NLRC4: variants seen among roughly 807,000 people sequenced by gnomAD.
NLRC4 encodes NLR family CARD domain-containing protein 4.
In NLRC4, 63 loss-of-function variants were observed where a neutral mutation model predicts 79.9. The ratio of observed to expected loss-of-function variants is 0.79; its 90% CI spans 0.64 to 0.97. The LOEUF is 0.97. NLRC4 is among the 50% of genes least tolerant of loss of function. NLRC4 has a pLI of 0.00. For missense variants in NLRC4, 1,074 were observed against 1,215.2 expected, an observed-to-expected ratio of 0.88 and a Z score of 1.73; for synonymous variants, 461 against 456.5, an observed-to-expected ratio of 1.01 and a Z score of -0.12.
At chr2:32,240,927 TA>T in intron 5 of NLRC4, 105 bp downstream of exon 5, 2 of 691,920 alleles carry the variant, frequency 2.9e-6, no homozygotes, top group African/African-American at 1.8e-5. Flanking sequence ...CACAAGTACA[TA>T]AAAACATCCT....
intron 1 of NLRC4, among the ~76,000 whole-genome samples, chr2:32,257,478 A>G (rs1202449034): frequency 6.6e-6 from 1 of 152,064 alleles, no homozygotes; most frequent in African/African-American, 2.4e-5. Flanking sequence ...GTGGTGGCAC[A>G]CGCCTGTAGT....
chr2:32,251,678 G>C (rs922391906), intron 3 of NLRC4, 77 bp from the exon 4 acceptor site: 18 of 967,558 alleles, frequency 1.9e-5, no homozygotes, highest in South Asian at 9.6e-5. Flanking sequence ...AGGATGAACG[G>C]GGGGGTGAGG....
intron 8 of NLRC4, among the ~76,000 whole-genome samples, chr2:32,226,759 A>C (rs1003703813): frequency 2.0e-5 from 3 of 152,160 alleles, no homozygotes; most frequent in Non-Finnish European, 2.9e-5. Flanking sequence ...GCATGCCTGT[A>C]ATCCCAGCTA....
At chr2:32,253,381 C>T (rs1001698398) in intron 2 of NLRC4, among the ~76,000 whole-genome samples, 1 of 151,906 alleles carries the variant, frequency 6.6e-6, no homozygotes, top group South Asian at 2.1e-4. Flanking sequence ...AACTCCTGAC[C>T]TTGTGATCCA....
In NLRC4 at chr2:32,241,082, C is replaced by T. The variant is rs749744304; in HGVS notation, c.2301G>A (p.Lys767=). 1.2e-5 allele frequency: 20 copies of T among 1,610,778 alleles called. No individual in the cohort carries two copies. The highest frequency in any genetic ancestry group is 1.7e-5 in the Non-Finnish European group (20 of 1,178,086). Residue 767 remains lysine (K), a synonymous_variant, in exon 5 of 9, where the codon AAG becomes AAA. Coordinates refer to ENST00000402280, the MANE Select transcript of NLRC4 (RefSeq NM_001199138.2). ...TCATCTTTATGTTATCCATTATGAG[C>T]TTTGTAAGGTTCTTCAAGTTACCCA... ...DSLGNLKNLT[K]LIMDNIKMNE...
chr2:32,228,718 C>T (rs1686460997), intron 8 of NLRC4, among the ~76,000 whole-genome samples: 1 of 151,704 alleles, frequency 6.6e-6, no homozygotes, highest in Non-Finnish European at 1.5e-5. Context: ...AATGATTGGG[C>T]CCAGGATTTA....
intron 4 of NLRC4, among the ~76,000 whole-genome samples, chr2:32,244,392 T>C (rs1175088979): frequency 6.6e-6 from 1 of 151,974 alleles, no homozygotes; most frequent in Non-Finnish European, 1.5e-5. Context: ...TCTCAGCAAC[T>C]TGATAAAAGA....
chr2:32,237,574 C>G (rs1270842739), intron 6 of NLRC4, among the ~76,000 whole-genome samples: 1 of 152,202 alleles, frequency 6.6e-6, no homozygotes, highest in African/African-American at 2.4e-5. Context: ...GATTATACCA[C>G]TGTTTTCCAA....
intron 2 of NLRC4, among the ~76,000 whole-genome samples, chr2:32,255,461 G>A (rs189926166): frequency 7.3e-5 from 11 of 149,914 alleles, no homozygotes; most frequent in Non-Finnish European, 1.2e-4. Context: ...CAGAGGTTGC[G>A]GTGAGCCCAG....
chr2:32,241,317 T>G (rs1312718547), intron 4 of NLRC4, among the ~76,000 whole-genome samples, 192 bp from the exon 5 acceptor site: 1 of 151,530 alleles, frequency 6.6e-6, no homozygotes, highest in East Asian at 1.9e-4. Flanking sequence ...AAGCATGTTC[T>G]GCAAATAATA....
intron 3 of NLRC4, 80 bp downstream of exon 3, chr2:32,252,338 AG>A: frequency 1.0e-6 from 1 of 1,001,986 alleles, no homozygotes; most frequent in Non-Finnish European, 1.5e-6. Context: ...GGAAAAGCAG[AG>A]GCTCTGCCAT....
intron 1 of NLRC4, among the ~76,000 whole-genome samples, chr2:32,257,178 C>G (rs988433907): frequency 2.6e-5 from 4 of 152,194 alleles, no homozygotes; most frequent in African/African-American, 9.7e-5. Flanking sequence ...AATTAAATGT[C>G]AAAAGACGGT....
At position 32,251,323 on chromosome 2, in the gene NLRC4, G is replaced by A. The variant is rs759551435; in HGVS notation, c.541C>T (p.Arg181Ter). Residue 181 changes from arginine to a stop codon, truncating the protein, a stop_gained, in exon 4 of 9, where the codon CGA becomes TGA. Coordinates refer to ENST00000402280, the MANE Select transcript of NLRC4 (RefSeq NM_001199138.2). LOFTEE classifies it high-confidence loss of function. ...CCGGAGCCCCAGAGCATGGCAATTC[G>A]CTGCAGCAGAGTGGACTTGCCTTTG... ...SGKGKSTLLQ[R>*]IAMLWGSGKC... 11 of 1,613,966 alleles carry A rather than the reference G, an allele frequency of 6.8e-6. No homozygotes were observed. The highest frequency in any genetic ancestry group is 3.3e-5 in the South Asian group (3 of 91,088).
Position 32,249,844 on chromosome 2 carries a change from TATTCAAC to T in NLRC4, c.2013_2019del (p.Leu672SerfsTer21). On this transcript the variant is annotated frameshift_variant, in exon 4 of 9. Transcript: ENST00000402280. LOFTEE classifies it high-confidence loss of function. ...TTCCCCAGATATCTGATATCTTGCT[TATTCAAC>T]TTGCTGAAATCCCGGAGTGTGACCT... 6.2e-7 allele frequency: 1 copy of T among 1,614,216 alleles called. No homozygotes were observed. The highest frequency in any genetic ancestry group is 8.5e-7 in the Non-Finnish European group (1 of 1,180,034).
intron 4 of NLRC4, among the ~76,000 whole-genome samples, chr2:32,246,082 T>A (rs1316390349): frequency 6.6e-6 from 1 of 152,126 alleles, no homozygotes; most frequent in Non-Finnish European, 1.5e-5. Flanking sequence ...TACTTGGGAT[T>A]CTGAGGCCGG....
At chr2:32,238,036 T>C (rs1481566007) in intron 6 of NLRC4, 96 bp downstream of exon 6, 17 of 873,508 alleles carry the variant, frequency 1.9e-5, no homozygotes, top group Non-Finnish European at 2.8e-5. Context: ...TTCCTTAAAA[T>C]TAAATTTCCA....
intron 4 of NLRC4, among the ~76,000 whole-genome samples, chr2:32,244,981 TCC>T (rs1686898028): frequency 6.6e-6 from 1 of 151,730 alleles, no homozygotes; most frequent in Admixed American, 6.6e-5. Context: ...ATGTCAGTGG[TCC>T]CAGCGACTTA....
rs1166830231 is a variant in NLRC4, at chr2:32,250,785, G to A, written c.1079C>T (p.Thr360Ile). Residue 360 changes from threonine (T) to isoleucine (I), a missense_variant, in exon 4 of 9, where the codon ACA becomes ATA. By Grantham distance (89) the Thr-to-Ile change is moderately conservative. Coordinates refer to ENST00000402280, the MANE Select transcript of NLRC4 (RefSeq NM_001199138.2). The surrounding 1 kb of genome is among the most constrained non-coding windows in gnomAD (Gnocchi z 4.9). Reference sequence around the variant, plus strand: ...ATCATAGAAGGTATGGAACAGCGTTGTTTGTGTGTGAGAGTGGAACTCACT... The same window carrying A: ...ATCATAGAAGGTATGGAACAGCGTTATTTGTGTGTGAGAGTGGAACTCACT... ...GESEFHSHTQ[T>I]TLFHTFYDLL... 2 of 1,614,044 alleles carry A rather than the reference G, an allele frequency of 1.2e-6. No homozygotes were observed. The highest frequency in any genetic ancestry group is 2.7e-5 in the African/African-American group (2 of 74,940).
intron 7 of NLRC4, 127 bp downstream of exon 7, chr2:32,236,120 T>C: frequency 1.8e-6 from 1 of 569,830 alleles, no homozygotes; most frequent in Non-Finnish European, 3.1e-6. Flanking sequence ...CCTAAATGAT[T>C]TTCCTAAGGA....
Sources: allele counts gnomAD v4.1 joint callset (sites outside exome capture counted in the v4.1 genomes callset), GRCh38; gene constraint gnomAD v4.1.1; non-coding constraint Gnocchi (gnomAD v3.1); transcripts MANE v1.5; gene names NCBI Gene and HGNC (gene_info 2026-07-23, HGNC 2026-07-21).